The following CAB39L variants were observed in gnomAD, a reference collection of about 807,000 sequenced individuals.
The protein encoded by CAB39L is calcium-binding protein 39-like.
Under a neutral mutation model 39.1 loss-of-function variants are expected in CAB39L, and 23 were observed. The ratio of observed to expected loss-of-function variants is 0.59; its 90% CI spans 0.42 to 0.83. The LOEUF (loss-of-function observed/expected upper bound fraction) is 0.83, where lower values mean the gene tolerates loss of function less well. CAB39L is among the 40% of genes least tolerant of loss of function. CAB39L has a pLI of 0.00. For synonymous variants in CAB39L, 126 were observed against 137.2 expected, an observed-to-expected ratio of 0.92 and a Z score of 0.57; for missense variants, 366 against 391.9, an observed-to-expected ratio of 0.93 and a Z score of 0.56.
chr13:49,441,221 G>GTGTATATATATATATATATA (rs1024957572), intron 1 of CAB39L, among the ~76,000 whole-genome samples: 82 of 121,432 alleles, frequency 6.8e-4, no homozygotes, highest in African/African-American at 2.8e-3. Flanking sequence ...ATGATTTAGT[G>GTGTATATATATATATATATA]TATATATATA....
intron 6 of CAB39L, chr13:49,351,125 C>T (rs58561860): frequency 1.2e-3 from 451 of 367,174 alleles, no homozygotes; most frequent in African/African-American, 8.7e-3. Flanking sequence ...CTTAGATATA[C>T]TCAAATATGA....
chr13:49,320,860 T>G (rs1236246699), intron 10 of CAB39L, among the ~76,000 whole-genome samples: 1 of 152,216 alleles, frequency 6.6e-6, no homozygotes, highest in Non-Finnish European at 1.5e-5. Flanking sequence ...AGAAAGGACT[T>G]GATTGTTAAA....
At chr13:49,326,322 C>T (rs1324160049) in intron 10 of CAB39L, among the ~76,000 whole-genome samples, 2 of 152,162 alleles carry the variant, frequency 1.3e-5, no homozygotes, top group Non-Finnish European at 2.9e-5. Context: ...TTTCATTTTG[C>T]AAGTGAAAAA....
At position 49,400,112 on chromosome 13, in the gene CAB39L, G is replaced by A. The variant is rs192834255; in HGVS notation, c.-31-17171C>T. Among the ~76,000 whole-genome samples, 3 of 152,126 alleles carry A rather than the reference G, an allele frequency of 2.0e-5. No individual in the cohort carries two copies. In the East Asian group the frequency reaches 5.8e-4, roughly 29 times the overall value. The stretch of plus-strand genomic sequence containing the variant: ...CTAATGTGTTTACTGATACTCTGCA[G>A]AAGTTTTCATTTCAGTTGTTTTGCC... On this transcript the variant is annotated intron_variant, in intron 3 of 10. Coordinates refer to ENST00000409308, the MANE Select transcript of CAB39L (RefSeq NM_001079670.3).
At chr13:49,397,596 G>C (rs1482689790) in intron 3 of CAB39L, among the ~76,000 whole-genome samples, 1 of 151,850 alleles carries the variant, frequency 6.6e-6, no homozygotes, top group African/African-American at 2.4e-5. Context: ...GATCCTACTA[G>C]GCTATTGTAG....
At chr13:49,313,324 AC>A (rs1211039022) in intron 10 of CAB39L, among the ~76,000 whole-genome samples, 1 of 152,106 alleles carries the variant, frequency 6.6e-6, no homozygotes, top group Non-Finnish European at 1.5e-5. Flanking sequence ...TACTAAAAAT[AC>A]AAAAAATTAG....
chr13:49,326,244 T>A (rs1241304436), intron 10 of CAB39L, among the ~76,000 whole-genome samples: 2 of 152,200 alleles, frequency 1.3e-5, no homozygotes, highest in Admixed American at 6.5e-5. Context: ...ATTGGGCACA[T>A]CTCTGGGAGA....
intron 10 of CAB39L, among the ~76,000 whole-genome samples, chr13:49,328,469 T>C (rs1954569072): frequency 6.6e-6 from 1 of 152,254 alleles, no homozygotes; most frequent in Non-Finnish European, 1.5e-5. Flanking sequence ...TATGTCACAT[T>C]CTATCCTGTC....
intron 6 of CAB39L, among the ~76,000 whole-genome samples, chr13:49,353,136 G>A (rs909682595): frequency 6.6e-6 from 1 of 152,138 alleles, no homozygotes; most frequent in East Asian, 1.9e-4. Context: ...ATTAAATGCT[G>A]ATACATTCAG....
chr13:49,329,589 ATATATATAAT>A (rs1376491890), intron 10 of CAB39L, among the ~76,000 whole-genome samples: 6 of 122,552 alleles, frequency 4.9e-5, no homozygotes, highest in African/African-American at 1.5e-4. Context: ...ATATATATAT[ATATATATAAT>A]GATGTAATAA....
chr13:49,343,639 GGGAGAGA>G (rs768446003), intron 8 of CAB39L, among the ~76,000 whole-genome samples: 5 of 151,726 alleles, frequency 3.3e-5, no homozygotes, highest in East Asian at 3.9e-4. Context: ...GAGAGGAGAG[GGGAGAGA>G]GACAGAGACA....
At chr13:49,352,152 G>A (rs78345793) in intron 6 of CAB39L, among the ~76,000 whole-genome samples, 32,314 of 151,704 alleles carry the variant, frequency 0.21, 3,824 homozygotes, top group Middle Eastern at 0.29. Context: ...ATGGCTCACA[G>A]CAAAAAATAT....
chr13:49,383,508 T>C (rs1389723223), intron 3 of CAB39L, among the ~76,000 whole-genome samples: 2 of 152,182 alleles, frequency 1.3e-5, no homozygotes. Flanking sequence ...AATGATCAAA[T>C]ATTTTGCATT....
At chr13:49,388,213 G>T (rs989485362) in intron 3 of CAB39L, among the ~76,000 whole-genome samples, 1 of 152,156 alleles carries the variant, frequency 6.6e-6, no homozygotes, top group South Asian at 2.1e-4. Flanking sequence ...AACAATGGAG[G>T]GGGGAGGATA....
chr13:49,376,918 G>GATAGATAGATAGATAGATAGATAT (rs768317269), intron 5 of CAB39L, 49 bp downstream of exon 5: 1 of 1,435,308 alleles, frequency 7.0e-7, no homozygotes, highest in Non-Finnish European at 9.5e-7. Flanking sequence ...TAGATAGATA[G>GATAGATAGATAGATAGATAGATAT]ATATTAAAAT....
At chr13:49,393,311 T>C (rs2138627716) in intron 3 of CAB39L, among the ~76,000 whole-genome samples, 1 of 152,170 alleles carries the variant, frequency 6.6e-6, no homozygotes, top group South Asian at 2.1e-4. Flanking sequence ...ACTAAATATG[T>C]ACAAAATCTA....
chr13:49,411,474 A>G (rs1956989436), intron 3 of CAB39L, among the ~76,000 whole-genome samples: 1 of 151,950 alleles, frequency 6.6e-6, no homozygotes, highest in African/African-American at 2.4e-5. Context: ...CCCAAGATTA[A>G]GCACTATTCA....
chr13:49,442,780 T>C (rs1957551412), intron 1 of CAB39L, among the ~76,000 whole-genome samples: 1 of 97,910 alleles, frequency 1.0e-5, no homozygotes, highest in Non-Finnish European at 1.8e-5. Flanking sequence ...GACAAGAGAC[T>C]CCATCTCAAA....
intron 5 of CAB39L, among the ~76,000 whole-genome samples, chr13:49,362,910 T>G (rs958626888): frequency 1.5e-4 from 23 of 152,102 alleles, no homozygotes; most frequent in African/African-American, 5.3e-4. Context: ...GACTTTTCAG[T>G]GGAAACCTTA....
Sources: gnomAD v4.1 joint callset for allele counts (sites outside exome capture counted in the v4.1 genomes callset) on GRCh38, gnomAD v4.1.1 for gene constraint, MANE v1.5 for transcripts, NCBI Gene and HGNC (gene_info 2026-07-23, HGNC 2026-07-21) for gene names.